Variants in INVS observed in about 807,000 individuals in gnomAD.
The protein encoded by INVS is inversion of embryo turning homolog.
INVS carries 86 observed loss-of-function variants against 108.8 expected under a neutral mutation model. That is an observed-to-expected ratio of 0.79 (90% CI 0.66 to 0.95). INVS has a LOEUF of 0.95. INVS is among the 40% of genes least tolerant of loss of function. INVS has a pLI of 0.00. For synonymous variants in INVS, 455 were observed against 473.5 expected, an observed-to-expected ratio of 0.96 and a Z score of 0.51; for missense variants, 1,169 against 1,297.4, an observed-to-expected ratio of 0.90 and a Z score of 1.52.
intron 5 of INVS, among the ~76,000 whole-genome samples, chr9:100,236,160 C>T (rs1033442125): frequency 2.0e-5 from 3 of 152,142 alleles, no homozygotes; most frequent in African/African-American, 7.2e-5. Context: ...GCTGTTGATA[C>T]TTGTGTATGC....
At chr9:100,167,798 C>G (rs1829413921) in intron 3 of INVS, among the ~76,000 whole-genome samples, 1 of 152,120 alleles carries the variant, frequency 6.6e-6, no homozygotes, top group Non-Finnish European at 1.5e-5. Context: ...GAGTGTACTT[C>G]TAAAGTTATA....
At chr9:100,155,510 G>C (rs531850685) in intron 3 of INVS, among the ~76,000 whole-genome samples, 1 of 151,986 alleles carries the variant, frequency 6.6e-6, no homozygotes, top group African/African-American at 2.4e-5. Flanking sequence ...CTAATTTTTT[G>C]TATTTTTAGT....
At position 100,302,065 on chromosome 9, in the gene INVS, A is replaced by G; in HGVS notation, c.*1391A>G. 1.8e-6 allele frequency: 1 copy of G among 570,156 alleles called. No homozygotes were observed. The allele number at this position is 570,156 out of a possible 1,614,324, so 35.3% of individuals were successfully genotyped here. On this transcript the variant is annotated 3_prime_UTR_variant, in exon 17 of 17. Coordinates refer to ENST00000262457, the MANE Select transcript of INVS (RefSeq NM_014425.5). ...ACATTATTTTCATATATCAGTGCAA[A>G]GAAAGAAGGTTCGTAAACTTCTTTA... is the stretch of plus-strand genomic sequence containing the variant.
At chr9:100,280,851 G>A (rs1481108243) in intron 12 of INVS, among the ~76,000 whole-genome samples, 2 of 152,130 alleles carry the variant, frequency 1.3e-5, no homozygotes, top group Non-Finnish European at 2.9e-5. Flanking sequence ...CCTTTGAGAG[G>A]CTGAGGTGGG....
At chr9:100,267,410 C>T (rs1243716014) in intron 11 of INVS, among the ~76,000 whole-genome samples, 1 of 152,178 alleles carries the variant, frequency 6.6e-6, no homozygotes, top group African/African-American at 2.4e-5. Context: ...CTGCCTTTTA[C>T]GTTTATTGAC....
At chr9:100,277,020 G>A (rs144319172) in intron 12 of INVS, among the ~76,000 whole-genome samples, 5 of 152,228 alleles carry the variant, frequency 3.3e-5, no homozygotes, top group Admixed American at 6.5e-5. Context: ...TCATCGTCAC[G>A]TCCAGTTTTG....
intron 6 of INVS, among the ~76,000 whole-genome samples, chr9:100,242,242 C>G (rs963139970): frequency 2.0e-5 from 3 of 152,132 alleles, no homozygotes; most frequent in Non-Finnish European, 4.4e-5. Context: ...AGCACCTTCC[C>G]CTCCTTTGCT....
intron 3 of INVS, 130 bp downstream of exon 3, chr9:100,126,679 C>G: frequency 1.1e-6 from 1 of 902,240 alleles, no homozygotes; most frequent in East Asian, 2.6e-5. Flanking sequence ...TATATTTTCT[C>G]TAAAAGCTGT....
intron 3 of INVS, among the ~76,000 whole-genome samples, chr9:100,194,438 A>T (rs1163677203): frequency 6.6e-6 from 1 of 151,812 alleles, no homozygotes; most frequent in African/African-American, 2.4e-5. Context: ...TCATTCTATT[A>T]GTCGTTTCAT....
chr9:100,260,972 T>G (rs1271885341), intron 10 of INVS, among the ~76,000 whole-genome samples: 1 of 152,242 alleles, frequency 6.6e-6, no homozygotes, highest in African/African-American at 2.4e-5. Flanking sequence ...TCATATATAC[T>G]GCCAAACTGA....
intron 7 of INVS, among the ~76,000 whole-genome samples, chr9:100,244,158 C>A (rs1417574246): frequency 6.6e-6 from 1 of 152,170 alleles, no homozygotes; most frequent in African/African-American, 2.4e-5. Flanking sequence ...AACAACTATT[C>A]CTATAATCCT....
At chr9:100,270,415 A>G (rs1832914467) in intron 11 of INVS, among the ~76,000 whole-genome samples, 1 of 152,142 alleles carries the variant, frequency 6.6e-6, no homozygotes, top group African/African-American at 2.4e-5. Context: ...GTTCGAGACC[A>G]GCCTGGAGAA....
rs941152925 is a variant in INVS at position 100,256,308 on chromosome 9, C to T, written c.1464+3172C>T. 4.6e-5 allele frequency among the ~76,000 whole-genome samples: 7 copies of T among 151,334 alleles called. No homozygotes were observed. In the South Asian group the frequency reaches 8.4e-4, roughly 18 times the overall value. On this transcript the variant is annotated intron_variant, in intron 10 of 16. Coordinates refer to ENST00000262457, the MANE Select transcript of INVS (RefSeq NM_014425.5). ...CATCTATTTGATTCTTCTCTCTTTT[C>T]TTCTTTATTAGTCTTGCTAGTTGTC...
intron 13 of INVS, among the ~76,000 whole-genome samples, chr9:100,289,230 G>T (rs1177873672): frequency 6.6e-6 from 1 of 152,112 alleles, no homozygotes; most frequent in Admixed American, 6.5e-5. Flanking sequence ...TGACAATTTT[G>T]CCAGTTAATT....
chr9:100,212,479 G>A (rs1830860991), intron 3 of INVS, among the ~76,000 whole-genome samples: 1 of 151,764 alleles, frequency 6.6e-6, no homozygotes, highest in African/African-American at 2.4e-5. Flanking sequence ...AGGTCTATAT[G>A]TATCTGCCCC....
intron 5 of INVS, among the ~76,000 whole-genome samples, chr9:100,236,016 G>T (rs1013837674): frequency 6.6e-6 from 1 of 151,024 alleles, no homozygotes; most frequent in African/African-American, 2.4e-5. Flanking sequence ...GCATAGGTTT[G>T]GGAAATAGTC....
intron 3 of INVS, among the ~76,000 whole-genome samples, chr9:100,214,162 T>A (rs1830918037): frequency 6.6e-6 from 1 of 152,200 alleles, no homozygotes; most frequent in African/African-American, 2.4e-5. Context: ...TGTCCCTCAG[T>A]ATCTTGGACT....
chr9:100,293,852 G>GCTC (rs1833704185), intron 14 of INVS, among the ~76,000 whole-genome samples: 1 of 152,182 alleles, frequency 6.6e-6, no homozygotes, highest in Non-Finnish European at 1.5e-5. Context: ...CCAGAGAGAA[G>GCTC]CTGGACCCAT....
At chr9:100,202,995 A>G (rs1301431537) in intron 3 of INVS, among the ~76,000 whole-genome samples, 1 of 152,232 alleles carries the variant, frequency 6.6e-6, no homozygotes, top group African/African-American at 2.4e-5. Flanking sequence ...GTAGGCATGA[A>G]AGTAATGTGA....
Sources: gnomAD v4.1 joint callset for allele counts (sites outside exome capture counted in the v4.1 genomes callset) on GRCh38, gnomAD v4.1.1 for gene constraint, MANE v1.5 for transcripts, NCBI Gene and HGNC (gene_info 2026-07-23, HGNC 2026-07-21) for gene names.